Variants in ITGAX observed in about 807,000 individuals in gnomAD.
ITGAX encodes the protein integrin subunit alpha X.
Under a neutral mutation model 140.2 loss-of-function variants are expected in ITGAX, and 99 were observed. That is an observed-to-expected ratio of 0.71 (90% CI 0.60 to 0.83). The LOEUF is 0.83. ITGAX is among the 40% of genes least tolerant of loss of function. The probability of loss-of-function intolerance (pLI) is 0.00; values close to 1 mark genes in which losing one functional copy is unlikely to be tolerated. For synonymous variants in ITGAX, 631 were observed against 600.4 expected, an observed-to-expected ratio of 1.05 and a Z score of -0.75; for missense variants, 1,444 against 1,482.0, an observed-to-expected ratio of 0.97 and a Z score of 0.42.
At position 31,357,052 on chromosome 16, in the gene ITGAX, T is replaced by C. The variant is rs1469321633; in HGVS notation, c.269T>C (p.Met90Thr). 1.2e-6 allele frequency: 2 copies of C among 1,610,032 alleles called. No individual in the cohort carries two copies. Among genetic ancestry groups the C allele is most frequent in the Admixed American group, 1.7e-5 (1 of 59,456 alleles). Residue 90 changes from methionine (M) to threonine (T), a missense_variant, in exon 4 of 30, where the codon ATG becomes ACG. Physicochemically the swap from Met to Thr is moderately conservative, Grantham distance 81. Coordinates refer to ENST00000268296, the MANE Select transcript of ITGAX (RefSeq NM_000887.5). ...ACAGTGCCCCCGGAGGCCGTGAACA[T>C]GTCCCTGGGCCTGTCCCTGGCGTCT... ...GLQVPPEAVNMSLGLSLASTT... is the reference protein window; with the variant it reads ...GLQVPPEAVNTSLGLSLASTT...
intron 14 of ITGAX, among the ~76,000 whole-genome samples, chr16:31,370,673 C>T (rs2080946323): frequency 6.6e-6 from 1 of 152,148 alleles, no homozygotes; most frequent in South Asian, 2.1e-4. Flanking sequence ...CTGGCTGTAT[C>T]CTGGGTGCTG....
intron 27 of ITGAX, 31 bp downstream of exon 27, chr16:31,380,410 CCA>C: frequency 6.2e-7 from 1 of 1,612,104 alleles, no homozygotes; most frequent in Non-Finnish European, 8.5e-7. Context: ...AGCCCCTGCC[CCA>C]GACTCAGGCG....
At chr16:31,355,374 G>A in intron 1 of ITGAX, 83 bp downstream of exon 1, 1 of 1,467,448 alleles carries the variant, frequency 6.8e-7, no homozygotes, top group Non-Finnish European at 9.5e-7. Context: ...CAGGCTGGGG[G>A]GTTAGGATCT....
At chr16:31,378,005 G>A (rs536712771) in intron 23 of ITGAX, among the ~76,000 whole-genome samples, 89 of 152,316 alleles carry the variant, frequency 5.8e-4, no homozygotes, top group African/African-American at 1.9e-3. Context: ...GACAGGTGCC[G>A]GAAGAGTGAA....
At chr16:31,356,536 G>T in intron 2 of ITGAX, 89 bp from the exon 3 acceptor site, 1 of 776,680 alleles carries the variant, frequency 1.3e-6, no homozygotes. Context: ...AGGAAGCTGA[G>T]GCTCAGGGAG....
At chr16:31,359,218 G>C (rs976499885) in intron 5 of ITGAX, among the ~76,000 whole-genome samples, 3 of 152,044 alleles carry the variant, frequency 2.0e-5, no homozygotes, top group African/African-American at 7.2e-5. Flanking sequence ...TGCCAGGTTG[G>C]AGTGCTGTGG....
intron 14 of ITGAX, among the ~76,000 whole-genome samples, chr16:31,370,257 T>C (rs2080941586): frequency 6.6e-6 from 1 of 152,042 alleles, no homozygotes; most frequent in African/African-American, 2.4e-5. Context: ...CGTCCAGCCA[T>C]TATTATCACT....
In ITGAX at chr16:31,376,987, TC is replaced by T; in HGVS notation, c.2626-11del. The T allele has an allele frequency of 6.2e-7, 1 of 1,614,130 alleles. No individual in the cohort carries two copies. Among genetic ancestry groups the T allele is most frequent in the Non-Finnish European group, 8.5e-7 (1 of 1,179,978 alleles). On this transcript the variant is annotated splice_polypyrimidine_tract_variant and intron_variant, in intron 21 of 29. Coordinates refer to ENST00000268296, the MANE Select transcript of ITGAX (RefSeq NM_000887.5). ...CTTTACTGCTCTGTGACCTCTCAGT[TC>T]CTTTTCCTCAGATCACCTTCTTGGC...
chr16:31,380,191 A>G, intron 26 of ITGAX, 75 bp from the exon 27 acceptor site: 2 of 1,546,462 alleles, frequency 1.3e-6, no homozygotes, highest in African/African-American at 1.4e-5. Flanking sequence ...CGCTGCCCTC[A>G]AGTCACACCG....
intron 14 of ITGAX, chr16:31,370,054 C>G (rs2080939388): frequency 6.6e-6 from 1 of 152,266 alleles, no homozygotes; most frequent in Non-Finnish European, 1.5e-5. Flanking sequence ...CTCCCGGGTT[C>G]AAGTGATTCT....
rs1232460205 is a variant in ITGAX, at chr16:31,382,375, A to C, written c.*468A>C. On this transcript the variant is annotated 3_prime_UTR_variant, in exon 30 of 30. Coordinates refer to ENST00000268296, the MANE Select transcript of ITGAX (RefSeq NM_000887.5). ...ATTCTGCTGTCTCAGCCTCCTGAGT[A>C]GCTGGGACTACAGGCACACGCCACC... 6.9e-7 allele frequency: 1 copy of C among 1,441,130 alleles called. No homozygotes were observed. The highest frequency in any genetic ancestry group is 9.4e-7 in the Non-Finnish European group (1 of 1,062,198). The allele number at this position is 1,441,130 out of a possible 1,614,324, so 89.3% of individuals were successfully genotyped here. A position where few individuals can be genotyped will look rare whatever the true frequency, so the allele number is the denominator to read the frequency against.
At chr16:31,357,914 C>T (rs1484299573) in intron 5 of ITGAX, 4 of 192,758 alleles carry the variant, frequency 2.1e-5, no homozygotes, top group Non-Finnish European at 4.2e-5. Flanking sequence ...TGTGCGTGTG[C>T]ACATGCAGGT....
chr16:31,361,279 C>T lies in ITGAX; in HGVS notation c.1012+66C>T, dbSNP rs909914772. ...CGTTAACACCTTTCCACTTAGAACC[C>T]GAGGCTCCGTGAAACAGGTAGACAG... On this transcript the variant is annotated intron_variant, in intron 9 of 29. Transcript: ENST00000268296. 472 of 1,517,928 alleles carry T rather than the reference C, an allele frequency of 3.1e-4. 1 individual carries two copies. The highest frequency in any genetic ancestry group is 4.0e-4 in the Non-Finnish European group (452 of 1,121,780). 94.0% of individuals were successfully genotyped at this position (1,517,928 alleles called of 1,614,324 possible). A position where few individuals can be genotyped will look rare whatever the true frequency, so the allele number is the denominator to read the frequency against.
Position 31,377,052 on chromosome 16 carries a change from G to C in ITGAX, c.2678G>C (p.Arg893Pro). 1 of 1,614,166 alleles carries C rather than the reference G, an allele frequency of 6.2e-7. No homozygotes were observed. The highest frequency in any genetic ancestry group is 8.5e-7 in the Non-Finnish European group (1 of 1,180,032). The change falls in exon 22 of 30, where the codon CGG becomes CCG. Residue 893 changes from arginine (R) to proline (P), a missense_variant. Physicochemically the swap from Arg to Pro is moderately radical, Grantham distance 103. Transcript: ENST00000268296. The part of the protein sequence containing the change: ...DVSPKAVLGD[R>P]LLLTANVSSE... ...TCCCCCAAGGCTGTCCTGGGAGACC[G>C]GCTGCTTCTGACAGCCAATGTGAGC...
intron 28 of ITGAX, 66 bp downstream of exon 28, chr16:31,380,690 C>T: frequency 1.3e-6 from 2 of 1,571,946 alleles, no homozygotes; most frequent in Admixed American, 1.7e-5. Context: ...ATCTGTGGTG[C>T]TGGGTGGGGG....
At chr16:31,362,844 G>A (rs2080847702) in intron 12 of ITGAX, 91 bp downstream of exon 12, 1 of 1,606,290 alleles carries the variant, frequency 6.2e-7, no homozygotes, top group Non-Finnish European at 8.5e-7. Flanking sequence ...GGGCCTTGGG[G>A]GAGGTCCTGG....
intron 3 of ITGAX, 135 bp from the exon 4 acceptor site, chr16:31,356,896 C>A: frequency 1.1e-6 from 1 of 870,132 alleles, no homozygotes; most frequent in Non-Finnish European, 1.8e-6. Flanking sequence ...CGCACTCCCG[C>A]AGCTCTGTCA....
intron 9 of ITGAX, 93 bp downstream of exon 9, chr16:31,361,306 G>T (rs547012205): frequency 7.3e-7 from 1 of 1,366,358 alleles, no homozygotes; most frequent in Non-Finnish European, 1.0e-6. Flanking sequence ...GGTAGACAGC[G>T]TCTCGGTTCT....
intron 29 of ITGAX, 53 bp from the exon 30 acceptor site, chr16:31,381,750 C>T (rs2081070347): frequency 3.5e-6 from 3 of 859,728 alleles, no homozygotes. Context: ...CATCTCTTTT[C>T]CTCTCTTCCA....
Sources: allele counts gnomAD v4.1 joint callset (sites outside exome capture counted in the v4.1 genomes callset), GRCh38; gene constraint gnomAD v4.1.1; transcripts MANE v1.5; gene names NCBI Gene and HGNC (gene_info 2026-07-23, HGNC 2026-07-21).